Variants in MYO1H observed in about 807,000 individuals in gnomAD.
MYO1H encodes the protein myosin IH.
In MYO1H, 118 loss-of-function variants were observed where a neutral mutation model predicts 149.3. The ratio of observed to expected loss-of-function variants is 0.79; its 90% CI spans 0.68 to 0.92. MYO1H has a LOEUF of 0.92. Ranked by LOEUF, MYO1H falls within the 40% of genes least tolerant of loss-of-function variation. The pLI is 0.00. For synonymous variants in MYO1H, 447 were observed against 465.2 expected, an observed-to-expected ratio of 0.96 and a Z score of 0.50; for missense variants, 1,212 against 1,280.7, an observed-to-expected ratio of 0.95 and a Z score of 0.82.
the MYO1H span, among the ~76,000 whole-genome samples, chr12:109,337,095 G>A: frequency 6.6e-6 from 1 of 152,174 alleles, no homozygotes; most frequent in African/African-American, 2.4e-5. Context: ...AGGGAAGGAA[G>A]GAAGCACAGA....
chr12:109,336,695 G>A, the MYO1H span, among the ~76,000 whole-genome samples: 1 of 152,200 alleles, frequency 6.6e-6, no homozygotes, highest in Non-Finnish European at 1.5e-5. Flanking sequence ...TAGTTAGTTA[G>A]TTAATTCCTG....
At chr12:109,407,036 C>T (rs553054388) in intron 9 of MYO1H, among the ~76,000 whole-genome samples, 176 bp downstream of exon 9, 3 of 152,152 alleles carry the variant, frequency 2.0e-5, no homozygotes, top group Non-Finnish European at 4.4e-5. Flanking sequence ...ACCATCACCA[C>T]CACCACACCA....
intron 1 of MYO1H, among the ~76,000 whole-genome samples, chr12:109,354,808 T>G (rs1416369202): frequency 6.6e-6 from 1 of 152,154 alleles, no homozygotes; most frequent in Non-Finnish European, 1.5e-5. Flanking sequence ...AAAAATATGT[T>G]TCTTCAACAA....
intron 30 of MYO1H, among the ~76,000 whole-genome samples, chr12:109,444,742 T>G (rs1361775040): frequency 6.6e-6 from 1 of 151,912 alleles, no homozygotes; most frequent in African/African-American, 2.4e-5. Context: ...TGGTGCACAC[T>G]TGTAATCCCA....
chr12:109,340,595 G>A, the MYO1H span, among the ~76,000 whole-genome samples: 1 of 152,104 alleles, frequency 6.6e-6, no homozygotes, highest in African/African-American at 2.4e-5. Context: ...ATTGAACTTT[G>A]GATATATAAA....
chr12:109,403,919 AAT>A (rs776035168), intron 6 of MYO1H, 61 bp from the exon 7 acceptor site: 160 of 1,101,208 alleles, frequency 1.5e-4, no homozygotes, highest in Non-Finnish European at 2.1e-4. Context: ...TTCAGAGAGG[AAT>A]AGACATGCTT....
At chr12:109,445,699 C>T in intron 31 of MYO1H, 87 bp downstream of exon 31, 2 of 1,499,924 alleles carry the variant, frequency 1.3e-6, no homozygotes, top group Non-Finnish European at 1.8e-6. Context: ...TGTAGATTGA[C>T]TGGAATCATA....
chr12:109,436,337 G>A, intron 21 of MYO1H, 151 bp from the exon 22 acceptor site: 2 of 599,186 alleles, frequency 3.3e-6, no homozygotes, highest in Non-Finnish European at 6.1e-6. Context: ...CAGCTCTCAG[G>A]TCTGCAGTGC....
At chr12:109,382,562 A>G (rs984630845) in intron 1 of MYO1H, among the ~76,000 whole-genome samples, 1 of 152,188 alleles carries the variant, frequency 6.6e-6, no homozygotes, top group Non-Finnish European at 1.5e-5. Context: ...AGGAATTATT[A>G]TGGTATTCTT....
chr12:109,368,320 A>G (rs530948659), intron 1 of MYO1H, among the ~76,000 whole-genome samples: 8 of 152,220 alleles, frequency 5.3e-5, no homozygotes, highest in Non-Finnish European at 1.0e-4. Context: ...TTTGGCAGAT[A>G]ATTGAAGGTA....
intron 22 of MYO1H, among the ~76,000 whole-genome samples, chr12:109,437,473 C>G (rs1871909449): frequency 6.6e-6 from 1 of 152,184 alleles, no homozygotes; most frequent in Non-Finnish European, 1.5e-5. Context: ...TCCACTATAG[C>G]AGCAGAGGTC....
chr12:109,446,505 T>A lies in MYO1H; in HGVS notation c.3094-654T>A, dbSNP rs1010223953. On this transcript the variant is annotated intron_variant, in intron 31 of 31. Coordinates refer to ENST00000310903, the Ensembl canonical transcript of MYO1H. Reference sequence around the variant, plus strand: ...CAGGCCCGGCGCGGTGGCTCACGCCTATAATCCCAGCACTTTGGGAGGCCG... The same window carrying A: ...CAGGCCCGGCGCGGTGGCTCACGCCAATAATCCCAGCACTTTGGGAGGCCG... 4.1e-6 allele frequency: 4 copies of A among 979,060 alleles called. No homozygotes were observed. The African/African-American group carries it at 7.0e-5, about 17-fold the overall frequency. The allele number at this position is 979,060 out of a possible 1,614,324, so 60.6% of individuals were successfully genotyped here.
At chr12:109,363,855 T>C (rs1868807125) in intron 1 of MYO1H, among the ~76,000 whole-genome samples, 1 of 151,658 alleles carries the variant, frequency 6.6e-6, no homozygotes, top group African/African-American at 2.4e-5. Context: ...AGAAATAAAA[T>C]ACTCTTGGAC....
chr12:109,360,897 C>T (rs79083878), intron 1 of MYO1H, among the ~76,000 whole-genome samples: 13,067 of 152,138 alleles, frequency 0.086, 696 homozygotes, highest in African/African-American at 0.14. Context: ...GAAGGTATAA[C>T]GGAGTAGTGA....
chr12:109,430,551 C>T (rs961021643), intron 19 of MYO1H, among the ~76,000 whole-genome samples: 4 of 152,200 alleles, frequency 2.6e-5, no homozygotes, highest in East Asian at 3.8e-4. Flanking sequence ...ACACATCCTG[C>T]ACCTTTGTGT....
At position 109,443,009 on chromosome 12, in the gene MYO1H, A is replaced by AAATATAT. The variant is rs1371725807; in HGVS notation, c.2689-504_2689-503insATATATA. Reference sequence around the variant, plus strand: ...TGCAGAGAGCCAGGAAAAAAAAAAAAATATATATATATATATATATGTGTG... The same window carrying AAATATAT: ...TGCAGAGAGCCAGGAAAAAAAAAAAAAATATATATATATATATATATATATATGTGTG... On this transcript the variant is annotated intron_variant, in intron 27 of 31. Coordinates refer to ENST00000310903, the Ensembl canonical transcript of MYO1H. Among the ~76,000 whole-genome samples, 4 of 58,492 alleles carry AAATATAT rather than the reference A, an allele frequency of 6.8e-5. 1 individual carries two copies. Among genetic ancestry groups the AAATATAT allele is most frequent in the African/African-American group, 4.3e-4 (4 of 9,306 alleles). 38.4% of individuals were successfully genotyped at this position (58,492 alleles called of 152,430 possible).
chr12:109,409,999 A>C, exon 12 of MYO1H: 1 of 1,543,502 alleles, frequency 6.5e-7, no homozygotes, highest in Non-Finnish European at 8.7e-7. Context: ...GCAATGAGAA[A>C]CTCCAGCAAC....
At chr12:109,368,585 G>A (rs1868916818) in intron 1 of MYO1H, among the ~76,000 whole-genome samples, 1 of 149,392 alleles carries the variant, frequency 6.7e-6, no homozygotes, top group Non-Finnish European at 1.5e-5. Flanking sequence ...GAACCCGAGA[G>A]GTGGAGGTTG....
At chr12:109,441,011 T>C (rs947561071) in intron 25 of MYO1H, among the ~76,000 whole-genome samples, 184 bp downstream of exon 25, 3 of 152,232 alleles carry the variant, frequency 2.0e-5, no homozygotes, top group African/African-American at 7.2e-5. Flanking sequence ...CAGCTGTTAC[T>C]GTAATCAGCA....
Sources: gnomAD v4.1 joint callset for allele counts (sites outside exome capture counted in the v4.1 genomes callset) on GRCh38, gnomAD v4.1.1 for gene constraint, MANE v1.5 for transcripts, NCBI Gene and HGNC (gene_info 2026-07-23, HGNC 2026-07-21) for gene names.